TTLL10: variants seen among roughly 807,000 people sequenced by gnomAD.
TTLL10 encodes inactive polyglycylase TTLL10.
A neutral mutation model predicts 69.0 loss-of-function variants in TTLL10; 61 were observed. The ratio of observed to expected loss-of-function variants is 0.88; its 90% CI spans 0.72 to 1.09. TTLL10 has a LOEUF of 1.09. Among genes scored for constraint, TTLL10 ranks in the 50% least tolerant of loss-of-function variants. The probability of loss-of-function intolerance (pLI) is 0.00; values close to 1 mark genes in which losing one functional copy is unlikely to be tolerated. For missense variants in TTLL10, 962 were observed against 945.9 expected (o/e 1.02, Z -0.22); for synonymous variants, 408 against 393.3 (o/e 1.04, Z -0.44).
chr1:1,190,181 C>T (rs1647651356), intron 13 of TTLL10, among the ~76,000 whole-genome samples: 1 of 149,958 alleles, frequency 6.7e-6, no homozygotes. Flanking sequence ...CAAAGTATTC[C>T]CTTGTCATCC....
At chr1:1,178,050 G>A (rs1282327027) in intron 3 of TTLL10, among the ~76,000 whole-genome samples, 1 of 152,192 alleles carries the variant, frequency 6.6e-6, no homozygotes, top group East Asian at 1.9e-4. Flanking sequence ...CCTGCCCGTG[G>A]GCTTCCTCGT....
At chr1:1,197,059 G>C in intron 14 of TTLL10, 34 bp from the exon 15 acceptor site, 1 of 1,547,700 alleles carries the variant, frequency 6.5e-7, no homozygotes, top group Non-Finnish European at 8.7e-7. Context: ...CAGTGGGCTC[G>C]GGGTGAGGAG....
chr1:1,192,325 G>T (rs1398868994), intron 13 of TTLL10, among the ~76,000 whole-genome samples: 1 of 152,196 alleles, frequency 6.6e-6, no homozygotes, highest in African/African-American at 2.4e-5. Context: ...CCTTTAATCT[G>T]CAGTAATAAT....
chr1:1,183,935 G>A lies in TTLL10; in HGVS notation c.1104G>A (p.Pro368=), dbSNP rs371622937. Reference sequence around the variant, plus strand: ...GTGCCCCCAGGTACATCCAGAACCCGCTGCTGGTGGACGGGAGAAAGTTTG... The same window carrying A: ...GTGCCCCCAGGTACATCCAGAACCCACTGCTGGTGGACGGGAGAAAGTTTG... ...ARVVQRYIQN[P]LLVDGRKFDV... The change falls in exon 12 of 16, where the codon CCG becomes CCA. Residue 368 remains proline, a synonymous_variant. Transcript: ENST00000379289. 3.2e-5 allele frequency: 51 copies of A among 1,614,196 alleles called. No individual in the cohort carries two copies. Among genetic ancestry groups the A allele is most frequent in the Non-Finnish European group, 4.0e-5 (47 of 1,180,018 alleles).
chr1:1,173,960 A>G lies in TTLL10; in HGVS notation c.-131+34A>G, dbSNP rs1646809115. On this transcript the variant is annotated intron_variant, in intron 1 of 15. Transcript: ENST00000379289. The surrounding 1 kb of genome is among the most constrained non-coding windows in gnomAD (Gnocchi z 4.1). ...CGCCGGCGGCCACCAGCTGGGGTCCAGTGGGCTCGGCCCCGCCCTCCTACG... is the reference window on the plus strand; with the variant it reads ...CGCCGGCGGCCACCAGCTGGGGTCCGGTGGGCTCGGCCCCGCCCTCCTACG... 1 of 152,346 alleles carries G rather than the reference A, an allele frequency of 6.6e-6. No individual in the cohort carries two copies. Among genetic ancestry groups the G allele is most frequent in the Non-Finnish European group, 1.5e-5 (1 of 68,162 alleles). The allele number at this position is 152,346 out of a possible 1,614,324, so 9.4% of individuals were successfully genotyped here. A position where few individuals can be genotyped will look rare whatever the true frequency, so the allele number is the denominator to read the frequency against.
chr1:1,182,857 C>A lies in TTLL10; in HGVS notation c.917-19C>A. 1 of 1,544,174 alleles carries A rather than the reference C, an allele frequency of 6.5e-7. No individual in the cohort carries two copies. The highest frequency in any genetic ancestry group is 1.2e-5 in the South Asian group (1 of 82,424). ...TGGGTTGGGGGCGAGGCCAGGGGCT[C>A]AGGCCGCGCTCTCTGCAGAAACCCA... On this transcript the variant is annotated intron_variant, in intron 10 of 15. Coordinates refer to ENST00000379289, the MANE Select transcript of TTLL10 (RefSeq NM_001130045.2).
At chr1:1,184,414 G>A (rs564309543) in intron 12 of TTLL10, among the ~76,000 whole-genome samples, 47 of 152,354 alleles carry the variant, frequency 3.1e-4, no homozygotes, top group Non-Finnish European at 4.9e-4. Context: ...GCGGGTGGGC[G>A]TCGGAACCGA....
intron 13 of TTLL10, among the ~76,000 whole-genome samples, chr1:1,191,307 T>C (rs1477054845): frequency 6.6e-6 from 1 of 152,178 alleles, no homozygotes; most frequent in African/African-American, 2.4e-5. Flanking sequence ...TGAAAAATTA[T>C]TGGAGCTGGT....
chr1:1,180,516 G>A lies in TTLL10; in HGVS notation c.540G>A (p.Gln180=). 1 of 1,552,582 alleles carries A rather than the reference G, an allele frequency of 6.4e-7. No individual in the cohort carries two copies. The highest frequency in any genetic ancestry group is 8.7e-7 in the Non-Finnish European group (1 of 1,147,996). Residue 180 remains glutamine, a synonymous_variant, in exon 7 of 16, where the codon CAG becomes CAA. Transcript: ENST00000379289. ...CCTACTGCAAAAGCAAGGGCTGGCA[G>A]CGCATCCATGACAGCCGCCGGGACG... ...ISSYCKSKGW[Q]RIHDSRRDDY...
At chr1:1,180,674 G>A (rs952490450) in intron 7 of TTLL10, 57 bp from the exon 8 acceptor site, 6 of 1,566,204 alleles carry the variant, frequency 3.8e-6, no homozygotes, top group Non-Finnish European at 5.2e-6. Context: ...CAGGTTGGAG[G>A]GGTGGGGACC....
chr1:1,192,188 C>T (rs940634987), intron 13 of TTLL10, among the ~76,000 whole-genome samples: 9 of 152,336 alleles, frequency 5.9e-5, no homozygotes, highest in East Asian at 1.9e-4. Context: ...GTATTGAAAG[C>T]GGGATATTCA....
Position 1,185,747 on chromosome 1 carries a change from G to A in TTLL10, c.1401+638G>A, listed in dbSNP as rs551574527. On this transcript the variant is annotated intron_variant, in intron 13 of 15. Transcript: ENST00000379289. The surrounding 1 kb of genome is among the most constrained non-coding windows in gnomAD (Gnocchi z 6.1). ...GGATGGTCCTTCCTCACCCACAGGC[G>A]TGTGTCACTGTGGCTGGGACGGCAG... The A allele has an allele frequency of 2.6e-5, 26 of 985,518 alleles. No homozygotes were observed. In the East Asian group the frequency reaches 1.0e-3, roughly 39 times the overall value. The allele number at this position is 985,518 out of a possible 1,614,324, so 61.0% of individuals were successfully genotyped here. A position where few individuals can be genotyped will look rare whatever the true frequency, so the allele number is the denominator to read the frequency against.
chr1:1,189,949 A>G (rs1647620086), intron 13 of TTLL10, among the ~76,000 whole-genome samples: 1 of 152,064 alleles, frequency 6.6e-6, no homozygotes, highest in African/African-American at 2.4e-5. Context: ...CGTCTCTACT[A>G]AAAATACAAA....
rs760843860 is a variant in TTLL10, at chr1:1,180,595, C to T, written c.619C>T (p.Arg207Trp). Residue 207 changes from arginine to tryptophan, a missense_variant, in exon 7 of 16, where the codon CGG becomes TGG. Physicochemically the swap from Arg to Trp is moderately radical, Grantham distance 101. Coordinates refer to ENST00000379289, the MANE Select transcript of TTLL10 (RefSeq NM_001130045.2). ...VKSRDSYGSFREGEQLLYQLP... is the reference protein window; with the variant it reads ...VKSRDSYGSFWEGEQLLYQLP... Reference sequence around the variant, plus strand: ...GAGCCGAGACAGCTACGGCAGCTTCCGGGAAGGTAGCGGGAGCCGGCACCA... The same window carrying T: ...GAGCCGAGACAGCTACGGCAGCTTCTGGGAAGGTAGCGGGAGCCGGCACCA... The T allele has an allele frequency of 1.2e-5, 18 of 1,551,554 alleles. No individual in the cohort carries two copies. The highest frequency in any genetic ancestry group is 2.7e-5 in the African/African-American group (2 of 73,152).
rs780238233 is a variant in TTLL10, at chr1:1,183,968, C to T, written c.1137C>T (p.Arg379=). 2.6e-5 allele frequency: 42 copies of T among 1,614,110 alleles called. No homozygotes were observed. Among genetic ancestry groups the T allele is most frequent in the Non-Finnish European group, 3.3e-5 (39 of 1,180,042 alleles). The change falls in exon 12 of 16, where the codon CGC becomes CGT. Residue 379 remains arginine (R), a synonymous_variant. Transcript: ENST00000379289. ...TGGACGGGAGAAAGTTTGACGTGCG[C>T]TCCTACCTGCTCATTGCCTGCACCA... ...LLVDGRKFDV[R]SYLLIACTTP... is the part of the protein sequence containing the mutation.
At chr1:1,183,192 C>T (rs371032987) in intron 11 of TTLL10, 145 bp downstream of exon 11, 16 of 1,046,792 alleles carry the variant, frequency 1.5e-5, no homozygotes, top group African/African-American at 9.8e-5. Context: ...GCCGGGCCCC[C>T]GTGTAGCCAG....
At chr1:1,190,516 C>G (rs1647692675) in intron 13 of TTLL10, among the ~76,000 whole-genome samples, 1 of 151,912 alleles carries the variant, frequency 6.6e-6, no homozygotes. Context: ...CAACCTCTGC[C>G]TCCCGGGTTC....
chr1:1,177,180 G>GTAGGTGTGTGTGTGCATGTCTC (rs1646903936), intron 3 of TTLL10, among the ~76,000 whole-genome samples: 1 of 151,924 alleles, frequency 6.6e-6, no homozygotes, highest in Non-Finnish European at 1.5e-5. Flanking sequence ...GTGCATGTCT[G>GTAGGTGTGTGTGTGCATGTCTC]TAGGTGTGTC....
Position 1,197,740 on chromosome 1 carries a change from G to GCT in TTLL10, c.1916_1917insTC (p.Gly641ArgfsTer?). The GCT allele has an allele frequency of 6.5e-7, 1 of 1,534,508 alleles. No homozygotes were observed. The highest frequency in any genetic ancestry group is 8.7e-7 in the Non-Finnish European group (1 of 1,142,908). ...CAGCGCCCACGATGGGGAGCCCCAG[G>GCT]CCCCGGGCACGGAGCAGTCGGGCAC... On this transcript the variant is annotated frameshift_variant, in exon 16 of 16. Transcript: ENST00000379289. LOFTEE classifies it high-confidence loss of function.
Sources: allele counts gnomAD v4.1 joint callset (sites outside exome capture counted in the v4.1 genomes callset), GRCh38; gene constraint gnomAD v4.1.1; non-coding constraint Gnocchi (gnomAD v3.1); transcripts MANE v1.5; gene names NCBI Gene and HGNC (gene_info 2026-07-23, HGNC 2026-07-21).